Variants in IFT122 observed in about 807,000 individuals in gnomAD.
IFT122 encodes intraflagellar transport protein 122 homolog.
A neutral mutation model predicts 161.6 loss-of-function variants in IFT122; 118 were observed. That is an observed-to-expected ratio of 0.73 (90% CI 0.63 to 0.85). The LOEUF (loss-of-function observed/expected upper bound fraction) is 0.85. Among genes scored for constraint, IFT122 ranks in the 40% least tolerant of loss-of-function variants. The pLI, the probability that IFT122 is intolerant of heterozygous loss-of-function variation, is 0.00. For synonymous variants in IFT122, 550 were observed against 602.4 expected (o/e 0.91, Z 1.27); for missense variants, 1,381 against 1,579.6 (o/e 0.87, Z 2.13).
intron 9 of IFT122, among the ~76,000 whole-genome samples, chr3:129,471,011 G>A (rs2077313567): frequency 6.6e-6 from 1 of 152,212 alleles, no homozygotes; most frequent in Non-Finnish European, 1.5e-5. Flanking sequence ...TTCCATGGAG[G>A]GTGGATTAAA....
In IFT122 at chr3:129,440,268, A is replaced by T; in HGVS notation, c.-63A>T. On this transcript the variant is annotated 5_prime_UTR_variant, in exon 1 of 30. Transcript: ENST00000348417. ...GCTTGTGGAGTGGCGACCGTTAGTG[A>T]GGCGGTTGCTGAGACAGACGCTGAG... is the stretch of plus-strand genomic sequence containing the variant. The T allele has an allele frequency of 1.3e-6, 2 of 1,544,870 alleles. No homozygotes were observed. The highest frequency in any genetic ancestry group is 1.7e-6 in the Non-Finnish European group (2 of 1,143,816).
At chr3:129,498,509 A>ACCAAAGG (rs2081159775) in intron 18 of IFT122, among the ~76,000 whole-genome samples, 1 of 152,182 alleles carries the variant, frequency 6.6e-6, no homozygotes, top group South Asian at 2.1e-4. Context: ...TCCAGGGAGA[A>ACCAAAGG]CCAAAGGCCA....
chr3:129,495,719 T>G, intron 18 of IFT122, 112 bp downstream of exon 18: 1 of 1,245,138 alleles, frequency 8.0e-7, no homozygotes, highest in Admixed American at 1.8e-5. Context: ...CTAGCAATGG[T>G]CTCAGAAAGG....
intron 24 of IFT122, 88 bp from the exon 25 acceptor site, chr3:129,514,301 T>G (rs1166218283): frequency 1.4e-6 from 2 of 1,448,732 alleles, no homozygotes; most frequent in Admixed American, 3.8e-5. Flanking sequence ...ACAAGCTGTG[T>G]TCCAGCCTGG....
At chr3:129,441,776 G>C (rs2073168975) in intron 1 of IFT122, among the ~76,000 whole-genome samples, 2 of 152,302 alleles carry the variant, frequency 1.3e-5, no homozygotes, top group Admixed American at 1.3e-4. Flanking sequence ...AGCCGTATCA[G>C]TGAATCTTTC....
rs1460297273 is a variant in IFT122 at position 129,519,137 on chromosome 3, A to G, written c.3422A>G (p.Lys1141Arg). The G allele has an allele frequency of 4.3e-6, 7 of 1,614,082 alleles. No homozygotes were observed. The highest frequency in any genetic ancestry group is 5.9e-6 in the Non-Finnish European group (7 of 1,179,962). ...CAGATTCTGCGGCTAGTGGAGACCA[A>G]GGACTCCATCGGAGATGAGGACCCG... is the stretch of plus-strand genomic sequence containing the variant. ...SSQILRLVET[K>R]DSIGDEDPFT... Residue 1141 changes from lysine (K) to arginine (R), a missense_variant, in exon 28 of 30, where the codon AAG becomes AGG. Coordinates refer to ENST00000348417, the MANE Select transcript of IFT122 (RefSeq NM_052989.3).
At chr3:129,455,427 T>G (rs764010474) in intron 3 of IFT122, among the ~76,000 whole-genome samples, 1 of 152,110 alleles carries the variant, frequency 6.6e-6, no homozygotes, top group Non-Finnish European at 1.5e-5. Flanking sequence ...CACCTCGGCC[T>G]CCCAAAGTGC....
chr3:129,519,076 T>C lies in IFT122; in HGVS notation c.3392-31T>C, dbSNP rs776704844. On this transcript the variant is annotated intron_variant, in intron 27 of 29. Coordinates refer to ENST00000348417, the MANE Select transcript of IFT122 (RefSeq NM_052989.3). ...GCTAGGGTCTGTCTCCATCTCTGCT[T>C]CTGATTCCATCCTTGACCAGATCCC... The C allele has an allele frequency of 1.7e-4, 272 of 1,597,276 alleles. 1 individual carries two copies. Among genetic ancestry groups the C allele is most frequent in the Middle Eastern group, 8.3e-4 (5 of 6,026 alleles).
At chr3:129,455,978 C>A (rs1297410968) in intron 3 of IFT122, 2 of 364,614 alleles carry the variant, frequency 5.5e-6, no homozygotes, top group Admixed American at 6.2e-5. Context: ...AGAAAATTCA[C>A]ATGTAAAAGT....
intron 20 of IFT122, 61 bp downstream of exon 20, chr3:129,502,943 T>TG: frequency 6.4e-7 from 1 of 1,552,340 alleles, no homozygotes; most frequent in African/African-American, 1.4e-5. Flanking sequence ...CACAGGCGGG[T>TG]GGGTACAGGG....
At chr3:129,453,658 C>T (rs1169395732) in intron 3 of IFT122, among the ~76,000 whole-genome samples, 1 of 152,026 alleles carries the variant, frequency 6.6e-6, no homozygotes, top group Non-Finnish European at 1.5e-5. Flanking sequence ...TGTACATTAA[C>T]CTTGAATTGT....
At chr3:129,482,762 A>G (rs1384795074) in intron 14 of IFT122, among the ~76,000 whole-genome samples, 1 of 152,188 alleles carries the variant, frequency 6.6e-6, no homozygotes, top group Non-Finnish European at 1.5e-5. Flanking sequence ...AGCCTTAATT[A>G]CTTTTCTCTA....
rs1243629398 is a variant in IFT122, at chr3:129,516,694, G to GCGCGCACA, written c.3266-774_3266-773insGCGCACAC. 1.4e-3 allele frequency among the ~76,000 whole-genome samples: 71 copies of GCGCGCACA among 50,212 alleles called. 2 individuals are homozygous for GCGCGCACA. The South Asian group carries it at 0.056, about 39-fold the overall frequency. The allele number at this position is 50,212 out of a possible 152,430, so 32.9% of individuals were successfully genotyped here. On this transcript the variant is annotated intron_variant, in intron 26 of 29. Coordinates refer to ENST00000348417, the MANE Select transcript of IFT122 (RefSeq NM_052989.3). ...CCCTGCACACACACAGATTGCTCCT[G>GCGCGCACA]CACACACACACACACACACACACAC...
chr3:129,483,043 A>G (rs780741348), intron 14 of IFT122, among the ~76,000 whole-genome samples: 7 of 152,174 alleles, frequency 4.6e-5, no homozygotes, highest in Non-Finnish European at 1.0e-4. Flanking sequence ...CAGCCCTGCC[A>G]GGAGACATCA....
chr3:129,467,676 G>A (rs190713796), intron 8 of IFT122, among the ~76,000 whole-genome samples: 70 of 152,196 alleles, frequency 4.6e-4, no homozygotes, highest in African/African-American at 1.6e-3. Context: ...CTTCTCTTCA[G>A]TTGAGATTGC....
At chr3:129,480,670 T>A (rs1230408012) in intron 13 of IFT122, among the ~76,000 whole-genome samples, 1 of 152,106 alleles carries the variant, frequency 6.6e-6, no homozygotes, top group Non-Finnish European at 1.5e-5. Flanking sequence ...CTCAGGCAGC[T>A]CTCACTTCCA....
chr3:129,441,590 G>A (rs956872920), intron 1 of IFT122, among the ~76,000 whole-genome samples: 1 of 152,152 alleles, frequency 6.6e-6, no homozygotes, highest in Non-Finnish European at 1.5e-5. Flanking sequence ...CAACGTCAAC[G>A]CTCTCAGCCA....
intron 8 of IFT122, among the ~76,000 whole-genome samples, chr3:129,469,016 C>T (rs1436664869): frequency 6.6e-6 from 1 of 152,176 alleles, no homozygotes. Flanking sequence ...ATATTGCAGC[C>T]TTGCCTATCT....
At chr3:129,517,297 C>CAT (rs2084070360) in intron 26 of IFT122, among the ~76,000 whole-genome samples, 172 bp from the exon 27 acceptor site, 1 of 150,348 alleles carries the variant, frequency 6.7e-6, no homozygotes, top group East Asian at 2.0e-4. Flanking sequence ...CACACACACA[C>CAT]ACACAGAGAC....
Sources: allele counts gnomAD v4.1 joint callset (sites outside exome capture counted in the v4.1 genomes callset), GRCh38; gene constraint gnomAD v4.1.1; transcripts MANE v1.5; gene names NCBI Gene and HGNC (gene_info 2026-07-23, HGNC 2026-07-21).